Variants in ZBTB5 observed in about 807,000 individuals in gnomAD.
The protein encoded by ZBTB5 is zinc finger and BTB domain containing 5, also known as zinc finger and BTB domain-containing protein 5.
A neutral mutation model predicts 37.9 loss-of-function variants in ZBTB5; 15 were observed. That is an observed-to-expected ratio of 0.40 (90% CI 0.26 to 0.61). ZBTB5 has a LOEUF of 0.61. Ranked by LOEUF, ZBTB5 falls within the 20% of genes least tolerant of loss-of-function variation. The probability of loss-of-function intolerance (pLI) is 0.47; values close to 1 mark genes in which losing one functional copy is unlikely to be tolerated. For missense variants in ZBTB5, 708 were observed against 856.8 expected, an observed-to-expected ratio of 0.83 and a Z score of 2.17; for synonymous variants, 315 against 312.4, an observed-to-expected ratio of 1.01 and a Z score of -0.09.
At position 37,441,808 on chromosome 9, in the gene ZBTB5, T is replaced by A; in HGVS notation, c.744A>T (p.Gly248=). 6.2e-7 allele frequency: 1 copy of A among 1,614,102 alleles called. No homozygotes were observed. The highest frequency in any genetic ancestry group is 8.5e-7 in the Non-Finnish European group (1 of 1,180,018). The change falls in exon 2 of 2, where the codon GGA becomes GGT. Residue 248 remains glycine, a synonymous_variant. Transcript: ENST00000307750. Reference sequence around the variant, plus strand: ...CACTATCTTCCTGGTTATCAGTCATTCCATCAGCTTTAGGATTATCCACAA... The same window carrying A: ...CACTATCTTCCTGGTTATCAGTCATACCATCAGCTTTAGGATTATCCACAA... ...LKIVDNPKAD[G]MTDNQEDSAI...
intron 1 of ZBTB5, among the ~76,000 whole-genome samples, chr9:37,463,965 T>A (rs991063066): frequency 2.6e-5 from 4 of 152,196 alleles, no homozygotes; most frequent in Non-Finnish European, 5.9e-5. Context: ...AGGTCAATCT[T>A]CCCAAATTTG....
chr9:37,457,232 T>C (rs1824206047), intron 1 of ZBTB5, among the ~76,000 whole-genome samples: 2 of 152,140 alleles, frequency 1.3e-5, no homozygotes, highest in African/African-American at 4.8e-5. Context: ...TGTAATATGT[T>C]TTTTGTTTTG....
chr9:37,463,556 A>G (rs1338596103), intron 1 of ZBTB5, among the ~76,000 whole-genome samples: 1 of 152,228 alleles, frequency 6.6e-6, no homozygotes, highest in Non-Finnish European at 1.5e-5. Flanking sequence ...AAGATATTTT[A>G]AAGTCTCCAA....
At chr9:37,450,128 C>T (rs78787215) in intron 1 of ZBTB5, among the ~76,000 whole-genome samples, 2,443 of 152,178 alleles carry the variant, frequency 0.016, 60 homozygotes, top group African/African-American at 0.057. Flanking sequence ...ATTCTGCCAC[C>T]GGCTGGTCGT....
chr9:37,449,618 G>A (rs1041417498), intron 1 of ZBTB5, among the ~76,000 whole-genome samples: 1 of 147,656 alleles, frequency 6.8e-6, no homozygotes, highest in African/African-American at 2.5e-5. Flanking sequence ...AGAATTGCTT[G>A]AACCCAGGAG....
chr9:37,441,267 C>T lies in ZBTB5; in HGVS notation c.1285G>A (p.Asp429Asn), dbSNP rs1823868047. Reference protein sequence around the residue: ...NNFTANQNNDDNIPNTTSDCR... With the variant: ...NNFTANQNNDNNIPNTTSDCR... ...TCACTAGTGGTGTTTGGAATATTAT[C>T]ATCATTGTTCTGATTTGCAGTAAAG... The change falls in exon 2 of 2, where the codon GAT (aspartate) becomes AAT (asparagine). Residue 429 changes from aspartate (D) to asparagine (N), a missense_variant. This residue lies in a region of ZBTB5 where 639 missense variants were observed against 690.5 expected (regional missense o/e 0.93). Coordinates refer to ENST00000307750, the MANE Select transcript of ZBTB5 (RefSeq NM_014872.3). 4.3e-6 allele frequency: 7 copies of T among 1,614,152 alleles called. No individual in the cohort carries two copies. Among genetic ancestry groups the T allele is most frequent in the Middle Eastern group, 1.6e-4 (1 of 6,062 alleles).
intron 1 of ZBTB5, among the ~76,000 whole-genome samples, chr9:37,462,061 A>G (rs1824302997): frequency 6.6e-6 from 1 of 152,134 alleles, no homozygotes; most frequent in Non-Finnish European, 1.5e-5. Context: ...GGCTGGTTTG[A>G]ACTCAAGTGA....
intron 1 of ZBTB5, among the ~76,000 whole-genome samples, chr9:37,461,390 G>GA (rs1824290529): frequency 6.6e-6 from 1 of 152,010 alleles, no homozygotes; most frequent in African/African-American, 2.4e-5. Flanking sequence ...ATCATGCATA[G>GA]AAAAAAAGGG....
At chr9:37,461,549 G>A (rs113120700) in intron 1 of ZBTB5, among the ~76,000 whole-genome samples, 2,073 of 152,250 alleles carry the variant, frequency 0.014, 46 homozygotes, top group African/African-American at 0.046. Flanking sequence ...CCAACATGGC[G>A]AAACCCTGTC....
rs1285061956 is a variant in ZBTB5, at chr9:37,465,261, C to T, written c.-51G>A. On this transcript the variant is annotated 5_prime_UTR_variant, in exon 1 of 2. Transcript: ENST00000307750. ...TCCTCCTCGCTGAAGGAGGCGGTGA[C>T]CCCTCTCCGATCGGACTCGGCAGTG... The T allele has an allele frequency of 6.6e-6, 1 of 152,162 alleles. No homozygotes were observed. The allele number at this position is 152,162 out of a possible 1,614,324, so 9.4% of individuals were successfully genotyped here.
At chr9:37,451,701 A>G (rs1206670488) in intron 1 of ZBTB5, among the ~76,000 whole-genome samples, 1 of 152,106 alleles carries the variant, frequency 6.6e-6, no homozygotes, top group Non-Finnish European at 1.5e-5. Context: ...ATCACCCCCT[A>G]AAAAGCTTTT....
chr9:37,442,115 A>T lies in ZBTB5; in HGVS notation c.437T>A (p.Leu146Gln). 6.2e-7 allele frequency: 1 copy of T among 1,614,158 alleles called. No individual in the cohort carries two copies. The highest frequency in any genetic ancestry group is 8.5e-7 in the Non-Finnish European group (1 of 1,180,046). Residue 146 changes from leucine to glutamine, a missense_variant, in exon 2 of 2, where the codon CTA becomes CAA. Transcript: ENST00000307750. ...QSARMQRSFM[L>Q]QQLGLSIVSS... ...CACGATGCTTAGTCCCAGCTGCTGT[A>T]GCATAAAGGAGCGCTGCATGCGGGC...
rs931392309 is a variant in ZBTB5, at chr9:37,459,855, C to T, written c.-5+5360G>A. On this transcript the variant is annotated intron_variant, in intron 1 of 1. Coordinates refer to ENST00000307750, the MANE Select transcript of ZBTB5 (RefSeq NM_014872.3). Reference sequence around the variant, plus strand: ...CCTCCCAAGTAGCTGGGACTACGGGCGCCCGCCACCACACCTGGCTAATTT... The same window carrying T: ...CCTCCCAAGTAGCTGGGACTACGGGTGCCCGCCACCACACCTGGCTAATTT... 3.3e-5 allele frequency among the ~76,000 whole-genome samples: 5 copies of T among 151,738 alleles called. No individual in the cohort carries two copies. In the East Asian group the frequency reaches 7.8e-4, roughly 24 times the overall value.
chr9:37,465,366 G>T lies in ZBTB5; in HGVS notation c.-156C>A, dbSNP rs1030964561. 1 of 21,984 alleles carries T rather than the reference G, an allele frequency of 4.5e-5. No homozygotes were observed. The highest frequency in any genetic ancestry group is 1.0e-4 in the Non-Finnish European group (1 of 9,962). The allele number at this position is 21,984 out of a possible 1,614,324, so 1.4% of individuals were successfully genotyped here. A position where few individuals can be genotyped will look rare whatever the true frequency, so the allele number is the denominator to read the frequency against. ...CTTCCACCCGCCCCCCTCCCACCCC[G>T]CCTCTAGTCCCCTAGCTCCTCCAGC... is the stretch of plus-strand genomic sequence containing the variant. On this transcript the variant is annotated 5_prime_UTR_variant, in exon 1 of 2. Coordinates refer to ENST00000307750, the MANE Select transcript of ZBTB5 (RefSeq NM_014872.3).
rs1215702778 is a variant in ZBTB5, at chr9:37,439,320, T to G, written c.*1198A>C. 6.6e-6 allele frequency: 1 copy of G among 152,234 alleles called. No homozygotes were observed. The highest frequency in any genetic ancestry group is 1.5e-5 in the Non-Finnish European group (1 of 68,052). The allele number at this position is 152,234 out of a possible 1,614,324, so 9.4% of individuals were successfully genotyped here. ...ATGCTACTTGATTACTTCTATGCTA[T>G]GGGCTGCTAACTCTTACATAGCCTA... On this transcript the variant is annotated 3_prime_UTR_variant, in exon 2 of 2. Transcript: ENST00000307750.
Position 37,441,107 on chromosome 9 carries a change from A to G in ZBTB5, c.1445T>C (p.Met482Thr). Reference sequence around the variant, plus strand: ...ACACGGCAGGCCCATCACCTCCTGCATAGGCCTGACGAAGTGGGAGTCTGC... The same window carrying G: ...ACACGGCAGGCCCATCACCTCCTGCGTAGGCCTGACGAAGTGGGAGTCTGC... ...EPADSHFVRP[M>T]QEVMGLPCVQ... is the part of the protein sequence containing the mutation. Residue 482 changes from methionine to threonine, a missense_variant, in exon 2 of 2, where the codon ATG becomes ACG. Coordinates refer to ENST00000307750, the MANE Select transcript of ZBTB5 (RefSeq NM_014872.3). The G allele has an allele frequency of 6.2e-7, 1 of 1,614,106 alleles. No homozygotes were observed.
chr9:37,450,045 G>A (rs761273541), intron 1 of ZBTB5, among the ~76,000 whole-genome samples: 3 of 152,092 alleles, frequency 2.0e-5, no homozygotes, highest in East Asian at 1.9e-4. Flanking sequence ...AACGTCACAC[G>A]TGATCAAACC....
intron 1 of ZBTB5, among the ~76,000 whole-genome samples, chr9:37,447,844 T>C (rs1824019134): frequency 6.6e-6 from 1 of 151,264 alleles, no homozygotes; most frequent in East Asian, 1.9e-4. Flanking sequence ...AGAACTTATA[T>C]GAGAAAAATG....
At chr9:37,444,826 C>G (rs764244065) in intron 1 of ZBTB5, among the ~76,000 whole-genome samples, 14 of 152,194 alleles carry the variant, frequency 9.2e-5, no homozygotes, top group Non-Finnish European at 1.8e-4. Flanking sequence ...AAACAGGAGA[C>G]CCACCAGAGA....
Sources: gnomAD v4.1 joint callset for allele counts (sites outside exome capture counted in the v4.1 genomes callset) on GRCh38, gnomAD v4.1.1 for gene constraint, gnomAD v4.1.1 regional missense constraint, MANE v1.5 for transcripts, NCBI Gene and HGNC (gene_info 2026-07-23, HGNC 2026-07-21) for gene names.